Variants in NKAIN2 observed in about 807,000 individuals in gnomAD.
NKAIN2 encodes sodium/potassium-transporting ATPase subunit beta-1-interacting protein 2.
Under a neutral mutation model 32.6 loss-of-function variants are expected in NKAIN2, and 14 were observed. The ratio of observed to expected loss-of-function variants is 0.43; its 90% confidence interval spans 0.28 to 0.67. NKAIN2 has a LOEUF of 0.67. NKAIN2 is among the 30% of genes least tolerant of loss of function. The pLI is 0.17. For synonymous variants in NKAIN2, 80 were observed against 87.2 expected, an observed-to-expected ratio of 0.92 and a Z score of 0.46; for missense variants, 198 against 258.3, an observed-to-expected ratio of 0.77 and a Z score of 1.60.
chr6:123,986,564 A>G (rs115067159), intron 1 of NKAIN2, among the ~76,000 whole-genome samples: 2,987 of 152,202 alleles, frequency 0.02, 114 homozygotes, highest in African/African-American at 0.068. Context: ...GTGGTTCTCC[A>G]CCTTGGCTCT....
chr6:124,418,013 A>T (rs2114523216), intron 3 of NKAIN2, among the ~76,000 whole-genome samples: 1 of 152,304 alleles, frequency 6.6e-6, no homozygotes, highest in Middle Eastern at 3.4e-3. Flanking sequence ...AAGGTAGTTA[A>T]TTGCTTGCTT....
At chr6:124,583,625 C>T (rs1413446843) in intron 3 of NKAIN2, among the ~76,000 whole-genome samples, 2 of 152,062 alleles carry the variant, frequency 1.3e-5, no homozygotes, top group Non-Finnish European at 2.9e-5. Flanking sequence ...CAATTCTAAA[C>T]TAAGTGTCCA....
chr6:124,562,883 A>T (rs1583444154), intron 3 of NKAIN2, among the ~76,000 whole-genome samples: 1 of 151,862 alleles, frequency 6.6e-6, no homozygotes, highest in African/African-American at 2.4e-5. Flanking sequence ...AAGGAAAATG[A>T]AATGTTAGTA....
intron 1 of NKAIN2, among the ~76,000 whole-genome samples, chr6:124,043,250 C>G (rs116362728): frequency 0.013 from 2,022 of 152,050 alleles, 55 homozygotes; most frequent in African/African-American, 0.045. Context: ...CTAGACTACT[C>G]AGGAGTCTAG....
intron 2 of NKAIN2, among the ~76,000 whole-genome samples, chr6:124,325,903 GT>G (rs1412812497): frequency 5.3e-5 from 8 of 151,942 alleles, no homozygotes; most frequent in African/African-American, 1.9e-4. Context: ...ATGTCTCAAT[GT>G]TTTTATTTTA....
At chr6:124,086,165 T>G (rs1784181866) in intron 1 of NKAIN2, among the ~76,000 whole-genome samples, 1 of 151,992 alleles carries the variant, frequency 6.6e-6, no homozygotes, top group South Asian at 2.1e-4. Flanking sequence ...TCTTCACATC[T>G]GCTCCAAGTG....
chr6:124,199,144 C>T (rs949602820), intron 1 of NKAIN2, among the ~76,000 whole-genome samples: 3 of 152,072 alleles, frequency 2.0e-5, no homozygotes, highest in African/African-American at 4.8e-5. Flanking sequence ...TGTAGTTAGA[C>T]GACAGGATTT....
intron 4 of NKAIN2, among the ~76,000 whole-genome samples, chr6:124,709,677 GT>G (rs1162132380): frequency 9.3e-5 from 14 of 151,084 alleles, no homozygotes; most frequent in African/African-American, 3.4e-4. Flanking sequence ...TGTGGGATCG[GT>G]GGTGATATCC....
At chr6:124,207,681 C>T (rs998869063) in intron 1 of NKAIN2, among the ~76,000 whole-genome samples, 1 of 151,622 alleles carries the variant, frequency 6.6e-6, no homozygotes, top group Non-Finnish European at 1.5e-5. Context: ...ATTTTTTGTT[C>T]AAACTGAATA....
chr6:123,877,817 A>T (rs9401705), intron 1 of NKAIN2, among the ~76,000 whole-genome samples: 7,148 of 152,156 alleles, frequency 0.047, 407 homozygotes, highest in African/African-American at 0.14. Context: ...TTTTTAGTAA[A>T]CTTTATTTTC....
At chr6:124,243,326 C>T (rs1025467425) in intron 1 of NKAIN2, among the ~76,000 whole-genome samples, 1 of 151,950 alleles carries the variant, frequency 6.6e-6, no homozygotes, top group Non-Finnish European at 1.5e-5. Flanking sequence ...AAAACTCCAT[C>T]TCTACTAAAA....
At chr6:124,815,042 C>T (rs971460260) in intron 5 of NKAIN2, among the ~76,000 whole-genome samples, 2 of 151,636 alleles carry the variant, frequency 1.3e-5, no homozygotes, top group Non-Finnish European at 2.9e-5. Flanking sequence ...AACCCACTCT[C>T]CACCACCATG....
At chr6:124,320,360 G>C (rs1385792731) in intron 2 of NKAIN2, among the ~76,000 whole-genome samples, 1 of 152,086 alleles carries the variant, frequency 6.6e-6, no homozygotes, top group Non-Finnish European at 1.5e-5. Flanking sequence ...AAATTTTAAA[G>C]ATATGTTTCT....
At chr6:124,476,742 G>A (rs546131793) in intron 3 of NKAIN2, among the ~76,000 whole-genome samples, 11 of 152,066 alleles carry the variant, frequency 7.2e-5, no homozygotes, top group South Asian at 6.2e-4. Flanking sequence ...TTTTGCAAAC[G>A]TGCACCCAAT....
At chr6:124,218,273 G>T (rs531740523) in intron 1 of NKAIN2, among the ~76,000 whole-genome samples, 1 of 152,052 alleles carries the variant, frequency 6.6e-6, no homozygotes, top group African/African-American at 2.4e-5. Flanking sequence ...GTTTTGGCGC[G>T]TGCGTGGAGT....
intron 4 of NKAIN2, among the ~76,000 whole-genome samples, chr6:124,679,026 C>T (rs1029740372): frequency 3.3e-5 from 5 of 151,890 alleles, no homozygotes; most frequent in African/African-American, 9.7e-5. Context: ...AAAGGTTCTC[C>T]GGAGTGATCA....
chr6:124,496,442 G>A (rs1345302697), intron 3 of NKAIN2, among the ~76,000 whole-genome samples: 2 of 152,142 alleles, frequency 1.3e-5, no homozygotes, highest in Non-Finnish European at 2.9e-5. Flanking sequence ...TCATGGCACT[G>A]CCCTCAGAGA....
chr6:124,543,455 A>G (rs988744245), intron 3 of NKAIN2, among the ~76,000 whole-genome samples: 2 of 152,210 alleles, frequency 1.3e-5, no homozygotes, highest in African/African-American at 2.4e-5. Context: ...TAACTTCTAA[A>G]CAAAACACAC....
intron 3 of NKAIN2, among the ~76,000 whole-genome samples, chr6:124,643,675 T>C (rs1434603422): frequency 6.6e-6 from 1 of 152,236 alleles, no homozygotes; most frequent in African/African-American, 2.4e-5. Flanking sequence ...TGTAACTAAC[T>C]TGATAACTCT....
Sources: gnomAD v4.1 joint callset for allele counts (sites outside exome capture counted in the v4.1 genomes callset) on GRCh38, gnomAD v4.1.1 for gene constraint, MANE v1.5 for transcripts, NCBI Gene and HGNC (gene_info 2026-07-23, HGNC 2026-07-21) for gene names.